ACTL8: variants seen among roughly 807,000 people sequenced by gnomAD.
ACTL8 encodes actin like 8.
ACTL8 carries 3 observed loss-of-function variants against 9.3 expected under a neutral mutation model. That is an observed-to-expected ratio of 0.32 (90% CI 0.15 to 0.83). The LOEUF (loss-of-function observed/expected upper bound fraction) is 0.83, where lower values mean the gene tolerates loss of function less well. ACTL8 is among the 40% of genes least tolerant of loss of function. The pLI is 0.57. For synonymous variants in ACTL8, 224 were observed against 205.9 expected (o/e 1.09, Z -0.75); for missense variants, 381 against 492.2 (o/e 0.77, Z 2.14).
intron 1 of ACTL8, among the ~76,000 whole-genome samples, chr1:17,791,995 GC>G (rs72052257): frequency 1.3e-5 from 2 of 152,184 alleles, no homozygotes; most frequent in Admixed American, 6.5e-5. Context: ...TTGGGATCCT[GC>G]CCCCCCTCAT....
At position 17,803,293 on chromosome 1, in the gene ACTL8, G is replaced by A. The variant is rs190196859; in HGVS notation, c.-24-19692G>A. Among the ~76,000 whole-genome samples the A allele has an allele frequency of 8.3e-4, 126 of 152,248 alleles. 1 individual carries two copies. The highest frequency in any genetic ancestry group is 2.7e-3 in the African/African-American group (111 of 41,544). ...TCCACCATGATTGTAAGTTCCTGAG[G>A]CCTCCCCAGCCATGCGGAAATGTGA... On this transcript the variant is annotated intron_variant, in intron 1 of 2. Transcript: ENST00000375406.
chr1:17,817,323 G>T (rs2124189150), intron 1 of ACTL8, among the ~76,000 whole-genome samples: 1 of 151,938 alleles, frequency 6.6e-6, no homozygotes, highest in Non-Finnish European at 1.5e-5. Context: ...GGGCCAGTTT[G>T]GTAGAATTGC....
At chr1:17,800,583 C>CTTTTTT (rs59143238) in intron 1 of ACTL8, among the ~76,000 whole-genome samples, 9 of 69,156 alleles carry the variant, frequency 1.3e-4, no homozygotes, top group African/African-American at 2.6e-4. Flanking sequence ...TGGTGTCAAT[C>CTTTTTT]TTTTTTTTTT....
chr1:17,759,350 C>T (rs961969734), intron 1 of ACTL8, among the ~76,000 whole-genome samples: 5 of 152,234 alleles, frequency 3.3e-5, no homozygotes, highest in Non-Finnish European at 7.3e-5. Flanking sequence ...TCCTGCAGCA[C>T]GTGCCGCTCA....
chr1:17,766,190 T>C (rs1464412252), intron 1 of ACTL8, among the ~76,000 whole-genome samples: 1 of 152,176 alleles, frequency 6.6e-6, no homozygotes, highest in African/African-American at 2.4e-5. Flanking sequence ...GCTTTTTGAC[T>C]TTGGCTGCTT....
chr1:17,790,536 C>T (rs2066231582), intron 1 of ACTL8, among the ~76,000 whole-genome samples: 1 of 152,204 alleles, frequency 6.6e-6, no homozygotes, highest in African/African-American at 2.4e-5. Flanking sequence ...TCAGCTCTGG[C>T]TGATCCCAGG....
intron 1 of ACTL8, among the ~76,000 whole-genome samples, chr1:17,816,483 C>G (rs987488526): frequency 3.9e-4 from 60 of 152,306 alleles, no homozygotes; most frequent in Middle Eastern, 6.8e-3. Context: ...GTATTACAGG[C>G]GTGAGCCTCT....
chr1:17,791,499 C>A (rs1251396478), intron 1 of ACTL8, among the ~76,000 whole-genome samples: 1 of 152,224 alleles, frequency 6.6e-6, no homozygotes, highest in African/African-American at 2.4e-5. Context: ...CTTGCCACCA[C>A]CCCAGCAGCA....
chr1:17,809,737 C>A (rs929408308), intron 1 of ACTL8, among the ~76,000 whole-genome samples: 18 of 151,938 alleles, frequency 1.2e-4, no homozygotes, highest in Non-Finnish European at 2.5e-4. Flanking sequence ...CCAGATGGGA[C>A]CATCTAGTTG....
intron 1 of ACTL8, among the ~76,000 whole-genome samples, chr1:17,808,643 C>T (rs1448139250): frequency 6.6e-6 from 1 of 152,080 alleles, no homozygotes; most frequent in African/African-American, 2.4e-5. Context: ...AGTATCATAC[C>T]CAGTGCCTGG....
At chr1:17,793,029 G>A (rs2066251532) in intron 1 of ACTL8, among the ~76,000 whole-genome samples, 1 of 152,226 alleles carries the variant, frequency 6.6e-6, no homozygotes, top group Non-Finnish European at 1.5e-5. Context: ...GGGCGGGACA[G>A]TTGGTCCCCT....
chr1:17,800,593 T>G (rs915625309), intron 1 of ACTL8, among the ~76,000 whole-genome samples: 3 of 140,362 alleles, frequency 2.1e-5, no homozygotes, highest in Non-Finnish European at 4.6e-5. Flanking sequence ...CTTTTTTTTT[T>G]TTTTTTTTTT....
At chr1:17,821,632 C>CTTTTTT (rs35829365) in intron 1 of ACTL8, among the ~76,000 whole-genome samples, 1 of 151,390 alleles carries the variant, frequency 6.6e-6, no homozygotes. Context: ...TGACTATTCC[C>CTTTTTT]TTTTTTTTCT....
chr1:17,761,069 C>T (rs943513998), intron 1 of ACTL8, among the ~76,000 whole-genome samples: 19 of 151,720 alleles, frequency 1.3e-4, no homozygotes, highest in African/African-American at 4.6e-4. Flanking sequence ...GTGGGTGCTT[C>T]ACTGCAGAGG....
chr1:17,806,110 G>A (rs1175813400), intron 1 of ACTL8, among the ~76,000 whole-genome samples: 1 of 152,138 alleles, frequency 6.6e-6, no homozygotes, highest in South Asian at 2.1e-4. Flanking sequence ...TTACACAGCC[G>A]GGATGTCGAG....
intron 1 of ACTL8, among the ~76,000 whole-genome samples, chr1:17,760,819 C>T: frequency 6.6e-6 from 1 of 152,222 alleles, no homozygotes; most frequent in Non-Finnish European, 1.5e-5. Context: ...AAGCCCCGAG[C>T]TGCTGTGCCC....
intron 1 of ACTL8, among the ~76,000 whole-genome samples, chr1:17,819,941 T>C (rs2053638403): frequency 6.6e-6 from 1 of 151,716 alleles, no homozygotes; most frequent in South Asian, 2.1e-4. Flanking sequence ...CCCAGGAGAT[T>C]GAGGCTGAAG....
chr1:17,815,391 T>C (rs1032473807), intron 1 of ACTL8, among the ~76,000 whole-genome samples: 9 of 152,234 alleles, frequency 5.9e-5, no homozygotes, highest in Admixed American at 2.6e-4. Flanking sequence ...ATGTCTTAAC[T>C]TCATTCCTGA....
intron 1 of ACTL8, among the ~76,000 whole-genome samples, chr1:17,813,169 C>A (rs1256448655): frequency 6.6e-6 from 1 of 152,182 alleles, no homozygotes; most frequent in Non-Finnish European, 1.5e-5. Context: ...TTAGGACTTT[C>A]AGTTCAATGT....
Sources: allele counts gnomAD v4.1 joint callset (sites outside exome capture counted in the v4.1 genomes callset), GRCh38; gene constraint gnomAD v4.1.1; transcripts MANE v1.5; gene names NCBI Gene and HGNC (gene_info 2026-07-23, HGNC 2026-07-21).